Variants in ARHGEF4 observed in about 807,000 individuals in gnomAD.
ARHGEF4 encodes the protein Rho guanine nucleotide exchange factor 4, also known as APC-stimulated guanine nucleotide exchange factor 1.
ARHGEF4 carries 119 observed loss-of-function variants against 162.0 expected under a neutral mutation model. The ratio of observed to expected loss-of-function variants is 0.73; its 90% CI spans 0.63 to 0.86. ARHGEF4 has a LOEUF of 0.86. Ranked by LOEUF, ARHGEF4 falls within the 40% of genes least tolerant of loss-of-function variation. The pLI is 0.00. For missense variants in ARHGEF4, 2,488 were observed against 2,456.0 expected (o/e 1.01, Z -0.28); for synonymous variants, 1,014 against 979.9 (o/e 1.03, Z -0.65).
At chr2:130,908,503 T>G (rs2105036618) in intron 1 of ARHGEF4, among the ~76,000 whole-genome samples, 1 of 152,176 alleles carries the variant, frequency 6.6e-6, no homozygotes, top group Admixed American at 6.5e-5. Context: ...AGTGAAACCT[T>G]GTCTCTACTA....
chr2:130,837,653 G>A (rs555457567), intron 1 of ARHGEF4: 75 of 447,684 alleles, frequency 1.7e-4, no homozygotes, highest in African/African-American at 1.4e-3. Flanking sequence ...GGGCTCCGGG[G>A]CACTGTCAGG....
chr2:130,864,372 G>A (rs577320107), intron 1 of ARHGEF4, among the ~76,000 whole-genome samples: 1 of 152,318 alleles, frequency 6.6e-6, no homozygotes, highest in African/African-American at 2.4e-5. Flanking sequence ...ATTAGTAGTT[G>A]CCTGGGGCTG....
chr2:131,015,927 C>T (rs559589292), intron 4 of ARHGEF4, among the ~76,000 whole-genome samples: 2 of 152,376 alleles, frequency 1.3e-5, no homozygotes, highest in Non-Finnish European at 1.5e-5. Context: ...CACCCGGACA[C>T]GTATCCCAGT....
At chr2:130,976,332 C>CGTGTGTGTGTGTGTGTCTGTGT (rs1423562623) in intron 4 of ARHGEF4, among the ~76,000 whole-genome samples, 1 of 106,820 alleles carries the variant, frequency 9.4e-6, no homozygotes, top group African/African-American at 2.9e-5. Flanking sequence ...GCCCCAGAAT[C>CGTGTGTGTGTGTGTGTCTGTGT]GTGTGTGTGT....
At chr2:131,005,790 C>T (rs556833176) in intron 4 of ARHGEF4, among the ~76,000 whole-genome samples, 10 of 152,224 alleles carry the variant, frequency 6.6e-5, no homozygotes, top group East Asian at 1.9e-4. Context: ...GGCAGCTTCC[C>T]GGCAAAAGGT....
At chr2:130,910,630 A>G (rs947473799) in intron 1 of ARHGEF4, among the ~76,000 whole-genome samples, 1 of 152,210 alleles carries the variant, frequency 6.6e-6, no homozygotes, top group African/African-American at 2.4e-5. Context: ...AACAGTCAAC[A>G]AGGCTGATCT....
Position 130,917,163 on chromosome 2 carries a change from A to G in ARHGEF4, c.3217A>G (p.Ser1073Gly), listed in dbSNP as rs1223078694. ...TGGAATCGCACACACCCTGCCTTCC[A>G]GCTCTGCCTGCTGCCTGGCATATGA... ...QAGIAHTLPS[S>G]SACCLAYENP... The change falls in exon 2 of 14, where the codon AGC becomes GGC. Residue 1073 changes from serine (S) to glycine (G), a missense_variant. This residue lies in a region of ARHGEF4 where 1,642 missense variants were observed against 1,481.5 expected (regional missense o/e 1.11). Transcript: ENST00000409359. 6.4e-7 allele frequency: 1 copy of G among 1,550,458 alleles called. No individual in the cohort carries two copies. Among genetic ancestry groups the G allele is most frequent in the Admixed American group, 2.0e-5 (1 of 50,996 alleles).
chr2:130,957,959 C>T (rs1022739536), intron 4 of ARHGEF4, among the ~76,000 whole-genome samples: 4 of 150,834 alleles, frequency 2.7e-5, no homozygotes, highest in Admixed American at 1.3e-4. Flanking sequence ...AGGCATTTTA[C>T]AATGGGTAGA....
At chr2:130,970,485 A>C (rs1685283616) in intron 4 of ARHGEF4, among the ~76,000 whole-genome samples, 2 of 151,658 alleles carry the variant, frequency 1.3e-5, no homozygotes, top group African/African-American at 4.8e-5. Context: ...GCCACTCGGC[A>C]GGCTGAGGCA....
At chr2:131,045,750 T>C in intron 13 of ARHGEF4, 2 of 1,429,878 alleles carry the variant, frequency 1.4e-6, no homozygotes, top group South Asian at 1.5e-5. Context: ...GGGATGGAGC[T>C]GCTTTCCCCA....
chr2:130,999,346 C>T lies in ARHGEF4; in HGVS notation c.3986-28599C>T, dbSNP rs180755929. Among the ~76,000 whole-genome samples, 43 of 151,760 alleles carry T rather than the reference C, an allele frequency of 2.8e-4. No homozygotes were observed. In the South Asian group the frequency reaches 3.8e-3, roughly 13 times the overall value. On this transcript the variant is annotated intron_variant, in intron 4 of 13. Coordinates refer to ENST00000409359, the MANE Select transcript of ARHGEF4 (RefSeq NM_001367493.1). Reference sequence around the variant, plus strand: ...ATTTTTTTTGTATTTTTAGTAGAGACGGGGTTTTACCATGTTAGCCAGGAT... The same window carrying T: ...ATTTTTTTTGTATTTTTAGTAGAGATGGGGTTTTACCATGTTAGCCAGGAT...
intron 1 of ARHGEF4, among the ~76,000 whole-genome samples, chr2:130,863,934 C>T (rs562424355): frequency 1.6e-5 from 2 of 127,896 alleles, no homozygotes; most frequent in African/African-American, 6.0e-5. Flanking sequence ...CCTGTAATCC[C>T]AGCACTTTGG....
At chr2:130,838,496 C>T (rs1680363240) in intron 1 of ARHGEF4, among the ~76,000 whole-genome samples, 1 of 152,150 alleles carries the variant, frequency 6.6e-6, no homozygotes, top group African/African-American at 2.4e-5. Flanking sequence ...ATCCCAGCTA[C>T]TTGGGAGTCT....
rs544227353 is a variant in ARHGEF4, at chr2:130,948,770, T to A, written c.3985+2135T>A. 3.9e-5 allele frequency among the ~76,000 whole-genome samples: 6 copies of A among 152,346 alleles called. No homozygotes were observed. The South Asian group carries it at 1.2e-3, about 32-fold the overall frequency. ...TTTCCCTATATGTCAGGTTCCTTTTTTCTTTTTTTCTCAGAAATTCTGCAA... is the reference window on the plus strand; with the variant it reads ...TTTCCCTATATGTCAGGTTCCTTTTATCTTTTTTTCTCAGAAATTCTGCAA... On this transcript the variant is annotated intron_variant, in intron 4 of 13. Coordinates refer to ENST00000409359, the MANE Select transcript of ARHGEF4 (RefSeq NM_001367493.1).
intron 4 of ARHGEF4, among the ~76,000 whole-genome samples, chr2:130,957,186 A>G (rs1226287389): frequency 6.6e-6 from 1 of 151,974 alleles, no homozygotes; most frequent in African/African-American, 2.4e-5. Context: ...TAAAATAAAA[A>G]GACTAATTCT....
chr2:131,025,444 G>A (rs541503452), intron 4 of ARHGEF4, among the ~76,000 whole-genome samples: 1 of 152,304 alleles, frequency 6.6e-6, no homozygotes, highest in East Asian at 1.9e-4. Flanking sequence ...GGGGACACAT[G>A]TGGAGCTTTA....
intron 1 of ARHGEF4, among the ~76,000 whole-genome samples, chr2:130,847,541 A>G (rs1379796511): frequency 1.3e-5 from 2 of 152,210 alleles, no homozygotes; most frequent in Non-Finnish European, 2.9e-5. Context: ...TGACAGTCAC[A>G]TGTGCTGACG....
rs1690159488 is a variant in ARHGEF4 at position 131,035,188 on chromosome 2, G to A, written c.4126-3665G>A. 6.5e-6 allele frequency: 8 copies of A among 1,222,778 alleles called. No homozygotes were observed. In the South Asian group the frequency reaches 2.1e-4, roughly 31 times the overall value. 75.7% of individuals were successfully genotyped at this position (1,222,778 alleles called of 1,614,324 possible). A position where few individuals can be genotyped will look rare whatever the true frequency, so the allele number is the denominator to read the frequency against. On this transcript the variant is annotated intron_variant, in intron 5 of 13. Transcript: ENST00000409359. ...CAACCTGCCCCCCGGCGCCCAGCGCGTGGTGGTCTCCGCCGTGCTGGCGCT... is the reference window on the plus strand; with the variant it reads ...CAACCTGCCCCCCGGCGCCCAGCGCATGGTGGTCTCCGCCGTGCTGGCGCT...
chr2:130,869,723 G>A (rs911104313), intron 1 of ARHGEF4, among the ~76,000 whole-genome samples: 4 of 152,334 alleles, frequency 2.6e-5, no homozygotes, highest in African/African-American at 9.6e-5. Flanking sequence ...CGGCCAGAGC[G>A]GGGAGCTGAC....
Sources: allele counts gnomAD v4.1 joint callset (sites outside exome capture counted in the v4.1 genomes callset), GRCh38; gene constraint gnomAD v4.1.1; regional missense constraint gnomAD v4.1.1; transcripts MANE v1.5; gene names NCBI Gene and HGNC (gene_info 2026-07-23, HGNC 2026-07-21).